The following RNF212 variants were observed in gnomAD, a reference collection of about 807,000 sequenced individuals.
RNF212 encodes ring finger protein 212, also known as probable E3 SUMO-protein ligase RNF212.
In RNF212, 33 loss-of-function variants were observed where a neutral mutation model predicts 34.7. The ratio of observed to expected loss-of-function variants is 0.95; its 90% CI spans 0.72 to 1.27. RNF212 has a LOEUF of 1.27. Ranked by LOEUF, RNF212 falls within the 50% of genes most tolerant of loss-of-function variation. The pLI is 0.00. For synonymous variants in RNF212, 140 were observed against 136.1 expected (o/e 1.03, Z -0.20); for missense variants, 377 against 362.2 (o/e 1.04, Z -0.33).
intron 3 of RNF212, chr4:1,093,826 TC>T (rs1722598716): frequency 1.3e-6 from 2 of 1,536,152 alleles, no homozygotes; most frequent in South Asian, 2.4e-5. Flanking sequence ...GGATGGTGTT[TC>T]CCTGGGCCTC....
chr4:1,084,836 C>T (rs1011133768), intron 5 of RNF212, among the ~76,000 whole-genome samples: 1 of 151,634 alleles, frequency 6.6e-6, no homozygotes, highest in African/African-American at 2.4e-5. Context: ...ACACCCTTCA[C>T]AACACAAGCC....
chr4:1,063,076 T>C (rs749202014), intron 3 of RNF212, among the ~76,000 whole-genome samples: 2 of 152,226 alleles, frequency 1.3e-5, no homozygotes, highest in Non-Finnish European at 2.9e-5. Flanking sequence ...GGTAAAGCTA[T>C]GTCCAACATT....
chr4:1,112,151 A>C (rs553899918), intron 1 of RNF212, among the ~76,000 whole-genome samples: 10 of 152,260 alleles, frequency 6.6e-5, no homozygotes, highest in Admixed American at 1.3e-4. Context: ...AGGCTGCAGT[A>C]AACCGAGATC....
In RNF212 at chr4:1,079,671, A is replaced by C. The variant is rs200627313; in HGVS notation, c.482T>G (p.Val161Gly). The change falls in exon 8 of 10, where the codon GTT (valine) becomes GGT (glycine). Residue 161 changes from valine to glycine, a missense_variant. Physicochemically the swap from Val to Gly is moderately radical, Grantham distance 109. Coordinates refer to ENST00000433731, the MANE Select transcript of RNF212 (RefSeq NM_001131034.4). Reference protein sequence around the residue: ...SAPDRLESMEVDLSPSPIRKS... With the variant: ...SAPDRLESMEGDLSPSPIRKS... ...TCTAATCGGAGAAGGAGAGAGATCA[A>C]CTTCCATCGACTCCAGTCTGTTAAA... The C allele has an allele frequency of 3.5e-5, 56 of 1,611,538 alleles. No individual in the cohort carries two copies. Among genetic ancestry groups the C allele is most frequent in the Non-Finnish European group, 4.5e-5 (53 of 1,177,828 alleles).
At position 1,112,680 on chromosome 4, in the gene RNF212, C is replaced by T. The variant is rs759480910; in HGVS notation, c.109+676G>A. On this transcript the variant is annotated intron_variant, in intron 1 of 9. Coordinates refer to ENST00000433731, the MANE Select transcript of RNF212 (RefSeq NM_001131034.4). ...CGACTGACAGGACTCGTGGCCCGAC[C>T]CCTGTGTCCCCCTCATCTTGCATCC... 1.2e-3 allele frequency among the ~76,000 whole-genome samples: 176 copies of T among 149,504 alleles called. 1 individual carries two copies. Among genetic ancestry groups the T allele is most frequent in the Middle Eastern group, 3.4e-3 (1 of 292 alleles).
chr4:1,098,484 T>C (rs1232120514), intron 2 of RNF212, among the ~76,000 whole-genome samples: 1 of 152,138 alleles, frequency 6.6e-6, no homozygotes, highest in Non-Finnish European at 1.5e-5. Flanking sequence ...ATCCTGGAGG[T>C]GAGCTCCTCT....
intron 3 of RNF212, chr4:1,093,509 G>A: frequency 7.1e-7 from 1 of 1,417,278 alleles, no homozygotes; most frequent in Non-Finnish European, 9.1e-7. Context: ...GACAAACAGT[G>A]GGGCCACGAG....
intron 2 of RNF212, among the ~76,000 whole-genome samples, chr4:1,104,406 C>T (rs536778935): frequency 1.4e-4 from 22 of 152,318 alleles, no homozygotes; most frequent in African/African-American, 3.4e-4. Context: ...CAGGTCACCC[C>T]GCCCCCAGCA....
intron 4 of RNF212, chr4:1,058,283 A>G (rs1717479622): frequency 1.4e-6 from 1 of 721,138 alleles, no homozygotes; most frequent in Non-Finnish European, 1.7e-6. Flanking sequence ...TGCGGGGGTT[A>G]GAACGCAGTG....
intron 4 of RNF212, among the ~76,000 whole-genome samples, chr4:1,089,324 C>T (rs676561): frequency 0.81 from 123,708 of 152,212 alleles, 51,012 homozygotes; most frequent in African/African-American, 0.95. Flanking sequence ...CTGCTGGGTT[C>T]TGGACTTGCA....
At chr4:1,108,920 C>T (rs1463212081) in intron 1 of RNF212, among the ~76,000 whole-genome samples, 7 of 151,796 alleles carry the variant, frequency 4.6e-5, no homozygotes, top group African/African-American at 1.2e-4. Flanking sequence ...ACACTGGGCT[C>T]GAACTCCTGG....
At chr4:1,102,385 T>C (rs1724121332) in intron 2 of RNF212, among the ~76,000 whole-genome samples, 1 of 152,198 alleles carries the variant, frequency 6.6e-6, no homozygotes, top group African/African-American at 2.4e-5. Context: ...GCCCTCCATC[T>C]GAGCAGGTTT....
intron 5 of RNF212, among the ~76,000 whole-genome samples, chr4:1,082,196 A>C (rs1406178903): frequency 1.3e-5 from 2 of 152,136 alleles, no homozygotes; most frequent in African/African-American, 4.8e-5. Flanking sequence ...AGCAAGAGAA[A>C]TATGGACAAG....
At chr4:1,105,767 A>G (rs1724719231) in intron 2 of RNF212, among the ~76,000 whole-genome samples, 3 of 152,274 alleles carry the variant, frequency 2.0e-5, no homozygotes, top group Non-Finnish European at 2.9e-5. Context: ...GTCAGGGTCA[A>G]AGAAGCCAGC....
downstream of RNF212, among the ~76,000 whole-genome samples, chr4:1,070,642 G>A (rs1718412914): frequency 6.6e-6 from 1 of 152,128 alleles, no homozygotes; most frequent in East Asian, 1.9e-4. Context: ...CTGTGTCAGC[G>A]TGGATGCCTG....
At chr4:1,082,353 T>C (rs1308874568) in intron 5 of RNF212, among the ~76,000 whole-genome samples, 2 of 152,144 alleles carry the variant, frequency 1.3e-5, no homozygotes, top group African/African-American at 2.4e-5. Flanking sequence ...CTGGTGGACA[T>C]GCTGAGATGC....
chr4:1,091,324 G>A (rs918442143), intron 3 of RNF212, among the ~76,000 whole-genome samples: 16 of 152,192 alleles, frequency 1.1e-4, no homozygotes, highest in South Asian at 2.1e-4. Flanking sequence ...CAGGAGCCCC[G>A]GGTTCCATGC....
chr4:1,072,761 A>C lies in RNF212; in HGVS notation c.*113T>G. On this transcript the variant is annotated 3_prime_UTR_variant, in exon 10 of 10. Transcript: ENST00000433731. ...ATTGGGTAAAAGGTTAATATCCTGC[A>C]CACTGAGGGCTTCCACATAAATGAC... 6.9e-7 allele frequency: 1 copy of C among 1,453,108 alleles called. No homozygotes were observed. The highest frequency in any genetic ancestry group is 2.5e-5 in the East Asian group (1 of 40,250). The allele number at this position is 1,453,108 out of a possible 1,614,324, so 90.0% of individuals were successfully genotyped here.
chr4:1,091,172 G>A (rs552854646), intron 3 of RNF212, among the ~76,000 whole-genome samples: 2 of 152,336 alleles, frequency 1.3e-5, no homozygotes, highest in Admixed American at 6.5e-5. Flanking sequence ...CCAAACAGGT[G>A]TGGACCAATG....
Sources: gnomAD v4.1 joint callset for allele counts (sites outside exome capture counted in the v4.1 genomes callset) on GRCh38, gnomAD v4.1.1 for gene constraint, MANE v1.5 for transcripts, NCBI Gene and HGNC (gene_info 2026-07-23, HGNC 2026-07-21) for gene names.